Variants in GCSH observed in about 807,000 individuals in gnomAD.
GCSH encodes the protein glycine cleavage system H protein, mitochondrial.
A neutral mutation model predicts 21.3 loss-of-function variants in GCSH; 15 were observed. The observed-to-expected ratio is 0.70, with a 90% CI of 0.47 to 1.08. The LOEUF is 1.08. Ranked by LOEUF, GCSH falls within the 50% of genes least tolerant of loss-of-function variation. GCSH has a pLI of 0.00. For synonymous variants in GCSH, 59 were observed against 84.5 expected (o/e 0.70, Z 1.66); for missense variants, 179 against 217.5 (o/e 0.82, Z 1.11).
intron 4 of GCSH, 104 bp from the exon 5 acceptor site, chr16:81,083,067 AC>A (rs1972201759): frequency 2.5e-6 from 2 of 788,708 alleles, no homozygotes; most frequent in Admixed American, 3.5e-5. Flanking sequence ...TGTATTCTTT[AC>A]AAAAACCATA....
At chr16:81,092,463 A>G (rs1325125367) in intron 1 of GCSH, among the ~76,000 whole-genome samples, 1 of 152,096 alleles carries the variant, frequency 6.6e-6, no homozygotes, top group South Asian at 2.1e-4. Context: ...GTCGCAGGCC[A>G]GGCACAGTGA....
Position 81,084,449 on chromosome 16 carries a change from T to C in GCSH, c.424+14A>G, listed in dbSNP as rs1972231160. The C allele has an allele frequency of 6.2e-7, 1 of 1,600,502 alleles. No individual in the cohort carries two copies. Among genetic ancestry groups the C allele is most frequent in the Non-Finnish European group, 8.6e-7 (1 of 1,167,662 alleles). On this transcript the variant is annotated intron_variant, in intron 4 of 4. Coordinates refer to ENST00000315467, the MANE Select transcript of GCSH (RefSeq NM_004483.5). ...TAGTAGTAATTCCTTGAGAAATTTC[T>C]AGCAACAGCTTACCATCTTCATAAC...
chr16:81,084,771 G>A (rs74758617), intron 3 of GCSH, among the ~76,000 whole-genome samples, 177 bp from the exon 4 acceptor site: 11 of 147,986 alleles, frequency 7.4e-5, no homozygotes, highest in Non-Finnish European at 1.0e-4. Context: ...GTGCAGTGGC[G>A]CAATCTCACG....
intron 3 of GCSH, among the ~76,000 whole-genome samples, chr16:81,086,662 A>C (rs1972287150): frequency 7.2e-6 from 1 of 138,148 alleles, no homozygotes; most frequent in South Asian, 2.3e-4. Flanking sequence ...AACATGTCTC[A>C]AATCAGAGAA....
chr16:81,095,960 A>C (rs1443374608), intron 1 of GCSH, among the ~76,000 whole-genome samples, 171 bp downstream of exon 1: 3 of 151,950 alleles, frequency 2.0e-5, no homozygotes, highest in South Asian at 2.1e-4. Context: ...AAGGGGGAGA[A>C]GCGGCCGCAG....
intron 1 of GCSH, among the ~76,000 whole-genome samples, chr16:81,094,718 A>C (rs1045077140): frequency 1.3e-5 from 2 of 152,168 alleles, no homozygotes; most frequent in Non-Finnish European, 2.9e-5. Context: ...AGGTTTCTAA[A>C]ACAATGAGCT....
At chr16:81,095,739 C>G (rs1320290973) in intron 1 of GCSH, among the ~76,000 whole-genome samples, 1 of 152,316 alleles carries the variant, frequency 6.6e-6, no homozygotes, top group East Asian at 1.9e-4. Context: ...CTAAAGGCCT[C>G]CCCATTTGGG....
chr16:81,092,216 C>T (rs560628892), intron 1 of GCSH, among the ~76,000 whole-genome samples: 1 of 152,066 alleles, frequency 6.6e-6, no homozygotes, highest in African/African-American at 2.4e-5. Flanking sequence ...GGTTCTTAGG[C>T]CAGCCAACAT....
intron 4 of GCSH, chr16:81,083,207 C>T (rs1368033056): frequency 2.0e-6 from 1 of 507,758 alleles, no homozygotes; most frequent in Non-Finnish European, 3.6e-6. Flanking sequence ...TTGTAATAAG[C>T]ATCAGAAAAT....
rs1414 is a variant in GCSH, at chr16:81,082,252, A to G, written c.*614T>C. ...TTCCTTTTAAAAAGTAACTTTCCGT[A>G]AGTTAAAGTTAGCACTTTCACAAAT... On this transcript the variant is annotated 3_prime_UTR_variant, in exon 5 of 5. Transcript: ENST00000315467. 0.1 allele frequency: 45,468 copies of G among 452,204 alleles called. 2,638 individuals carry two copies. Among genetic ancestry groups the G allele is most frequent in the East Asian group, 0.21 (2,981 of 14,384 alleles). The allele number at this position is 452,204 out of a possible 1,614,324, so 28.0% of individuals were successfully genotyped here.
rs8177947 is a variant in GCSH at position 81,083,343 on chromosome 16, C to T, written c.425-380G>A. 1.7e-4 allele frequency: 43 copies of T among 246,492 alleles called. No individual in the cohort carries two copies. In the East Asian group the frequency reaches 4.6e-3, roughly 27 times the overall value. 15.3% of individuals were successfully genotyped at this position (246,492 alleles called of 1,614,324 possible). ...GACCAGCCTGGCCAACATAGTGGAA[C>T]CCCATCTCTACCAAAACCACAAAAA... On this transcript the variant is annotated intron_variant, in intron 4 of 4. Transcript: ENST00000315467.
chr16:81,096,153 G>A lies in GCSH; in HGVS notation c.126C>T (p.Arg42=), dbSNP rs1014861890. Residue 42 remains arginine (R), a synonymous_variant, in exon 1 of 5, where the codon CGC becomes CGT. Transcript: ENST00000315467. ...QLGVGAVRTL[R]TGPALLSVRK... Reference sequence around the variant, plus strand: ...TACCCGAGAGCAGAGCGGGTCCAGTGCGCAGCGTACGGACGGCGCCCACCC... The same window carrying A: ...TACCCGAGAGCAGAGCGGGTCCAGTACGCAGCGTACGGACGGCGCCCACCC... The A allele has an allele frequency of 3.8e-6, 5 of 1,310,728 alleles. No homozygotes were observed. Among genetic ancestry groups the A allele is most frequent in the East Asian group, 3.1e-5 (1 of 32,258 alleles). The allele number at this position is 1,310,728 out of a possible 1,614,324, so 81.2% of individuals were successfully genotyped here. A position where few individuals can be genotyped will look rare whatever the true frequency, so the allele number is the denominator to read the frequency against.
At chr16:81,094,407 A>G (rs1972458679) in intron 1 of GCSH, among the ~76,000 whole-genome samples, 2 of 151,518 alleles carry the variant, frequency 1.3e-5, no homozygotes, top group South Asian at 2.1e-4. Flanking sequence ...CCACAGGCTG[A>G]GGCAGGAGAA....
At chr16:81,089,040 T>C (rs1426298656) in intron 2 of GCSH, among the ~76,000 whole-genome samples, 1 of 152,188 alleles carries the variant, frequency 6.6e-6, no homozygotes, top group African/African-American at 2.4e-5. Context: ...ATAGTAGGTA[T>C]ACAGAGATGC....
At chr16:81,091,493 G>GT (rs1164254704) in intron 1 of GCSH, among the ~76,000 whole-genome samples, 1 of 152,158 alleles carries the variant, frequency 6.6e-6, no homozygotes, top group African/African-American at 2.4e-5. Flanking sequence ...ATGTTCAAGA[G>GT]TAAAAAGAGT....
chr16:81,085,656 G>A (rs978621979), intron 3 of GCSH, among the ~76,000 whole-genome samples: 2 of 152,108 alleles, frequency 1.3e-5, no homozygotes, highest in African/African-American at 2.4e-5. Flanking sequence ...ATCACCTGAG[G>A]TCAGTAGTTT....
At chr16:81,085,553 A>G (rs1972256082) in intron 3 of GCSH, among the ~76,000 whole-genome samples, 1 of 152,220 alleles carries the variant, frequency 6.6e-6, no homozygotes, top group South Asian at 2.1e-4. Context: ...GTGACAGTGA[A>G]GTACCCTGTA....
intron 2 of GCSH, among the ~76,000 whole-genome samples, chr16:81,089,486 G>A (rs148376914): frequency 1.4e-3 from 216 of 152,270 alleles, no homozygotes; most frequent in Non-Finnish European, 2.7e-3. Context: ...GTAACATGCT[G>A]TACAGGTTTG....
intron 1 of GCSH, among the ~76,000 whole-genome samples, chr16:81,094,055 C>T (rs552300550): frequency 4.6e-5 from 7 of 152,054 alleles, no homozygotes; most frequent in South Asian, 2.1e-4. Flanking sequence ...CGTGCCACCA[C>T]GCCCGACTAA....
Sources: gnomAD v4.1 joint callset for allele counts (sites outside exome capture counted in the v4.1 genomes callset) on GRCh38, gnomAD v4.1.1 for gene constraint, MANE v1.5 for transcripts, NCBI Gene and HGNC (gene_info 2026-07-23, HGNC 2026-07-21) for gene names.